The following GLDN variants were observed in gnomAD, a reference collection of about 807,000 sequenced individuals.
GLDN encodes gliomedin, also known as collomin.
Under a neutral mutation model 56.5 loss-of-function variants are expected in GLDN, and 47 were observed. That is an observed-to-expected ratio of 0.83 (90% CI 0.66 to 1.06). GLDN has a LOEUF of 1.06. Among genes scored for constraint, GLDN ranks in the 50% least tolerant of loss-of-function variants. The probability of loss-of-function intolerance (pLI) is 0.00; values close to 1 mark genes in which losing one functional copy is unlikely to be tolerated. For missense variants in GLDN, 782 were observed against 714.3 expected (o/e 1.09, Z -1.08); for synonymous variants, 332 against 278.8 (o/e 1.19, Z -1.90).
At chr15:51,409,489 G>A (rs981870887), downstream of GLDN, among the ~76,000 whole-genome samples, 5 of 151,954 alleles carry the variant, frequency 3.3e-5, no homozygotes, top group African/African-American at 9.7e-5. Flanking sequence ...TTTCAGTCCC[G>A]CTACTGTTTC....
chr15:51,391,544 T>C (rs1022842077), intron 4 of GLDN, among the ~76,000 whole-genome samples: 2 of 152,190 alleles, frequency 1.3e-5, no homozygotes, highest in African/African-American at 2.4e-5. Flanking sequence ...CTTCAGATAA[T>C]GTGCCAAATT....
intron 1 of GLDN, 48 bp from the exon 2 acceptor site, chr15:51,377,401 A>C: frequency 6.7e-7 from 1 of 1,488,476 alleles, no homozygotes; most frequent in African/African-American, 1.4e-5. Flanking sequence ...GGATGAGCCC[A>C]GGGCCTGCTG....
At chr15:51,350,292 A>C (rs17704365) in intron 1 of GLDN, among the ~76,000 whole-genome samples, 1 of 152,128 alleles carries the variant, frequency 6.6e-6, no homozygotes, top group Non-Finnish European at 1.5e-5. Context: ...TTCAAACTCT[A>C]TCTGTTCTCT....
At chr15:51,387,864 G>A (rs1239636623) in intron 4 of GLDN, among the ~76,000 whole-genome samples, 1 of 152,116 alleles carries the variant, frequency 6.6e-6, no homozygotes, top group Admixed American at 6.5e-5. Flanking sequence ...CTCCACTAAG[G>A]TCTCCGTACA....
chr15:51,356,004 G>A (rs192188135), intron 1 of GLDN, among the ~76,000 whole-genome samples: 5,751 of 147,654 alleles, frequency 0.039, 139 homozygotes, highest in South Asian at 0.064. Flanking sequence ...TCAGAAGATC[G>A]AGACCATCCT....
intron 1 of GLDN, among the ~76,000 whole-genome samples, chr15:51,349,600 G>A (rs189282245): frequency 8.5e-5 from 13 of 152,328 alleles, no homozygotes; most frequent in African/African-American, 3.1e-4. Context: ...TGCTGCTTTG[G>A]CACTACAGCA....
At chr15:51,347,362 G>T (rs1485920118) in intron 1 of GLDN, among the ~76,000 whole-genome samples, 2 of 152,178 alleles carry the variant, frequency 1.3e-5, no homozygotes, top group East Asian at 3.8e-4. Flanking sequence ...GGCTTTGAAT[G>T]TGGCCCAACT....
chr15:51,364,519 A>G (rs976757302), intron 1 of GLDN, among the ~76,000 whole-genome samples: 20 of 152,158 alleles, frequency 1.3e-4, no homozygotes, highest in Admixed American at 7.2e-4. Flanking sequence ...TGCTGGGATT[A>G]CAGGTGCGAG....
chr15:51,410,590 C>G (rs1272737846), downstream of GLDN, among the ~76,000 whole-genome samples: 1 of 152,138 alleles, frequency 6.6e-6, no homozygotes, highest in Non-Finnish European at 1.5e-5. Context: ...AGGTGTTGAT[C>G]CTAAGGGCTC....
intron 1 of GLDN, among the ~76,000 whole-genome samples, chr15:51,352,862 G>C (rs972238575): frequency 9.9e-5 from 15 of 152,138 alleles, no homozygotes; most frequent in Non-Finnish European, 2.1e-4. Context: ...TAGTTTAACT[G>C]TTTAACAACG....
At chr15:51,358,221 G>A (rs1042629168) in intron 1 of GLDN, among the ~76,000 whole-genome samples, 12 of 152,162 alleles carry the variant, frequency 7.9e-5, no homozygotes, top group African/African-American at 2.9e-4. Flanking sequence ...ATTCTTAGGA[G>A]GGCAAATAGG....
chr15:51,342,330 G>C (rs2141041098), intron 1 of GLDN, among the ~76,000 whole-genome samples: 1 of 152,322 alleles, frequency 6.6e-6, no homozygotes, highest in Non-Finnish European at 1.5e-5. Context: ...GTGTTTCTAA[G>C]AGCCTATTTT....
chr15:51,409,764 A>G (rs1477437495), downstream of GLDN, among the ~76,000 whole-genome samples: 1 of 152,198 alleles, frequency 6.6e-6, no homozygotes, highest in Non-Finnish European at 1.5e-5. Context: ...AATTCACCCC[A>G]CGTGCAGCTT....
At chr15:51,382,564 A>T (rs533273124) in intron 2 of GLDN, among the ~76,000 whole-genome samples, 13 of 104,194 alleles carry the variant, frequency 1.2e-4, no homozygotes, top group African/African-American at 4.8e-4. Context: ...AAAAATACAT[A>T]AAAAAAAAAA....
intron 1 of GLDN, among the ~76,000 whole-genome samples, chr15:51,343,453 G>T (rs149654163): frequency 2.6e-5 from 4 of 152,214 alleles, no homozygotes; most frequent in African/African-American, 9.7e-5. Flanking sequence ...ATACATCTGA[G>T]CATCATTGTT....
At chr15:51,390,578 G>A (rs2470180) in intron 4 of GLDN, among the ~76,000 whole-genome samples, 107,943 of 152,072 alleles carry the variant, frequency 0.71, 39,358 homozygotes, top group African/African-American at 0.86. Flanking sequence ...GCCCTCCTCC[G>A]TATTTGTGTC....
chr15:51,364,658 G>C (rs948347281), intron 1 of GLDN, among the ~76,000 whole-genome samples: 1 of 152,048 alleles, frequency 6.6e-6, no homozygotes, highest in African/African-American at 2.4e-5. Flanking sequence ...CTAGCTTCTT[G>C]AACATACGAA....
chr15:51,362,368 C>T (rs2037316547), intron 1 of GLDN, among the ~76,000 whole-genome samples: 1 of 151,828 alleles, frequency 6.6e-6, no homozygotes, highest in African/African-American at 2.4e-5. Flanking sequence ...GCCTGTAATC[C>T]CAGCTACTTG....
intron 1 of GLDN, among the ~76,000 whole-genome samples, chr15:51,359,873 G>A (rs1048929208): frequency 6.6e-6 from 1 of 151,770 alleles, no homozygotes; most frequent in African/African-American, 2.4e-5. Flanking sequence ...CAGCTGCTTG[G>A]GAGGCTGAGG....
Sources: gnomAD v4.1 joint callset for allele counts (sites outside exome capture counted in the v4.1 genomes callset) on GRCh38, gnomAD v4.1.1 for gene constraint, MANE v1.5 for transcripts, NCBI Gene and HGNC (gene_info 2026-07-23, HGNC 2026-07-21) for gene names.